Variants in EEF1E1 observed in about 807,000 individuals in gnomAD.
The protein encoded by EEF1E1 is eukaryotic translation elongation factor 1 epsilon 1.
Under a neutral mutation model 19.9 loss-of-function variants are expected in EEF1E1, and 19 were observed. The observed-to-expected ratio is 0.95, with a 90% CI of 0.66 to 1.40. The LOEUF (loss-of-function observed/expected upper bound fraction) is 1.40. Among genes scored for constraint, EEF1E1 ranks in the 40% most tolerant of loss-of-function variants. The pLI is 0.00. For synonymous variants in EEF1E1, 81 were observed against 80.0 expected, an observed-to-expected ratio of 1.01 and a Z score of -0.07; for missense variants, 198 against 202.2, an observed-to-expected ratio of 0.98 and a Z score of 0.13.
intron 1 of EEF1E1, among the ~76,000 whole-genome samples, chr6:8,100,624 C>T (rs140140052): frequency 1.3e-5 from 2 of 152,310 alleles, no homozygotes; most frequent in Non-Finnish European, 2.9e-5. Flanking sequence ...ACAAACCCCT[C>T]TTCAGCACAC....
chr6:8,090,334 AGTTAATT>A (rs1757983254), intron 2 of EEF1E1, 53 bp from the exon 3 acceptor site: 2 of 1,260,528 alleles, frequency 1.6e-6, no homozygotes, highest in Admixed American at 3.1e-5. Context: ...GTAATAATAA[AGTTAATT>A]ATCATATCAT....
At chr6:8,087,846 T>C (rs1001862704) in intron 3 of EEF1E1, among the ~76,000 whole-genome samples, 1 of 152,206 alleles carries the variant, frequency 6.6e-6, no homozygotes, top group Non-Finnish European at 1.5e-5. Context: ...CAGGATCTGA[T>C]TGACTGGATG....
chr6:8,073,466 G>C, exon 4 of EEF1E1: 1 of 1,551,402 alleles, frequency 6.4e-7, no homozygotes, highest in South Asian at 1.2e-5. Flanking sequence ...TTCCTTGTAT[G>C]ATGTTGGGTT....
At chr6:8,086,934 G>C (rs549778126) in intron 3 of EEF1E1, among the ~76,000 whole-genome samples, 97 of 152,296 alleles carry the variant, frequency 6.4e-4, no homozygotes, top group African/African-American at 2.3e-3. Context: ...CAGTAAGAGT[G>C]AAATGAGCTA....
In EEF1E1 at chr6:8,087,487, G is replaced by A. The variant is rs149255932; in HGVS notation, c.384+2699C>T. 2.1e-4 allele frequency among the ~76,000 whole-genome samples: 32 copies of A among 152,282 alleles called. 1 individual carries two copies. In the East Asian group the frequency reaches 4.1e-3, roughly 19 times the overall value. On this transcript the variant is annotated intron_variant, in intron 3 of 3. Coordinates refer to ENST00000379715, the MANE Select transcript of EEF1E1 (RefSeq NM_004280.5). ...CCTGCCTTGGCCTCCCAAAGTGCTG[G>A]GATTACAGGCGTGAGCCACCGCGCC...
chr6:8,090,611 T>C (rs1475603295), intron 2 of EEF1E1, among the ~76,000 whole-genome samples: 9 of 152,212 alleles, frequency 5.9e-5, no homozygotes, highest in Admixed American at 4.6e-4. Context: ...CACTTATTTT[T>C]TCCATTAAAA....
chr6:8,102,164 T>C, intron 1 of EEF1E1: 1 of 1,248,532 alleles, frequency 8.0e-7, no homozygotes, highest in Non-Finnish European at 1.0e-6. Flanking sequence ...TCCAACTGGT[T>C]TTGTTTCCTC....
chr6:8,080,110 A>G, intron 3 of EEF1E1, 80 bp from the exon 4 acceptor site: 1 of 1,495,296 alleles, frequency 6.7e-7, no homozygotes, highest in Non-Finnish European at 9.1e-7. Flanking sequence ...AGTAGGAGAT[A>G]GAAGTTGAAA....
At chr6:8,086,410 A>G (rs1757855526) in intron 3 of EEF1E1, among the ~76,000 whole-genome samples, 2 of 152,108 alleles carry the variant, frequency 1.3e-5, no homozygotes, top group Admixed American at 6.5e-5. Flanking sequence ...AAAACCAACT[A>G]TGTAGGAGGC....
Position 8,093,724 on chromosome 6 carries a change from A to C in EEF1E1, c.289-3443T>G, listed in dbSNP as rs191625513. ...CACAGGCAAGGAATACATGTAAGTG[A>C]ATTTTTAAAAATAATAAAATAGCTA... On this transcript the variant is annotated intron_variant, in intron 2 of 3. Coordinates refer to ENST00000379715, the MANE Select transcript of EEF1E1 (RefSeq NM_004280.5). 2.1e-3 allele frequency among the ~76,000 whole-genome samples: 325 copies of C among 152,216 alleles called. 2 individuals are homozygous for C. The highest frequency in any genetic ancestry group is 7.0e-3 in the African/African-American group (289 of 41,550).
At chr6:8,101,987 AAT>A in intron 1 of EEF1E1, 1 of 1,245,466 alleles carries the variant, frequency 8.0e-7, no homozygotes, top group South Asian at 1.4e-5. Flanking sequence ...TGTTCCCCTA[AAT>A]CATCATTGTA....
intron 3 of EEF1E1, among the ~76,000 whole-genome samples, chr6:8,080,550 A>G (rs80351316): frequency 0.016 from 2,460 of 152,320 alleles, 39 homozygotes; most frequent in Non-Finnish European, 0.026. Flanking sequence ...TCAATCTTTT[A>G]GTGAATGGAG....
At chr6:8,079,226 A>G (rs1055420434), downstream of EEF1E1, among the ~76,000 whole-genome samples, 2 of 152,198 alleles carry the variant, frequency 1.3e-5, no homozygotes, top group Non-Finnish European at 2.9e-5. Context: ...TACAGGAGGA[A>G]GAATTTCCCA....
rs79448297 is a variant in EEF1E1, at chr6:8,094,253, T to C, written c.288+3014A>G. 9.5e-3 allele frequency among the ~76,000 whole-genome samples: 1,446 copies of C among 152,232 alleles called. 21 individuals carry two copies. The highest frequency in any genetic ancestry group is 0.033 in the African/African-American group (1,357 of 41,546). On this transcript the variant is annotated intron_variant, in intron 2 of 3. Transcript: ENST00000379715. ...TTTTCTGGAGGACAAATGAGCAACA[T>C]AGCTTTAAAAATATATAGCTTTTAG...
chr6:8,080,508 C>A (rs955397081), intron 3 of EEF1E1, among the ~76,000 whole-genome samples: 14 of 152,072 alleles, frequency 9.2e-5, no homozygotes, highest in African/African-American at 3.1e-4. Flanking sequence ...TGAGAACAGA[C>A]CTTCATAATT....
At chr6:8,096,218 C>T (rs17523) in intron 2 of EEF1E1, among the ~76,000 whole-genome samples, 72,432 of 152,020 alleles carry the variant, frequency 0.48, 17,365 homozygotes, top group Admixed American at 0.52. Context: ...TCAAGTACTT[C>T]ATTACTATCC....
chr6:8,098,703 G>A (rs1422208143), intron 1 of EEF1E1, among the ~76,000 whole-genome samples: 1 of 152,146 alleles, frequency 6.6e-6, no homozygotes, highest in Non-Finnish European at 1.5e-5. Flanking sequence ...GGAACCCTCC[G>A]AAGGGTGCCA....
intron 2 of EEF1E1, among the ~76,000 whole-genome samples, chr6:8,094,224 G>A (rs1334762551): frequency 1.3e-5 from 2 of 152,156 alleles, no homozygotes; most frequent in Non-Finnish European, 2.9e-5. Context: ...CTATAATAAT[G>A]TACTTTTCTG....
At position 8,082,498 on chromosome 6, in the gene EEF1E1, C is replaced by T. The variant is rs1042604005; in HGVS notation, c.385-2468G>A. Among the ~76,000 whole-genome samples the T allele has an allele frequency of 6.6e-5, 10 of 152,186 alleles. No individual in the cohort carries two copies. The South Asian group carries it at 8.3e-4, about 13-fold the overall frequency. ...TTTGCCATGTTGGCCAGGCTGGTCT[C>T]GAACTCCTGGCCTCAAGTGATCCAC... On this transcript the variant is annotated intron_variant, in intron 3 of 3. Coordinates refer to ENST00000379715, the MANE Select transcript of EEF1E1 (RefSeq NM_004280.5).
Sources: gnomAD v4.1 joint callset for allele counts (sites outside exome capture counted in the v4.1 genomes callset) on GRCh38, gnomAD v4.1.1 for gene constraint, MANE v1.5 for transcripts, NCBI Gene and HGNC (gene_info 2026-07-23, HGNC 2026-07-21) for gene names.